The following DNAJC6 variants were observed in gnomAD, a reference collection of about 807,000 sequenced individuals.
DNAJC6 encodes DnaJ heat shock protein family (Hsp40) member C6, also known as auxilin.
A neutral mutation model predicts 110.0 loss-of-function variants in DNAJC6; 34 were observed. That is an observed-to-expected ratio of 0.31 (90% CI 0.24 to 0.41). The LOEUF is 0.41. Ranked by LOEUF, DNAJC6 falls within the 10% of genes least tolerant of loss-of-function variation. The probability of loss-of-function intolerance (pLI) is 1.00; values close to 1 mark genes in which losing one functional copy is unlikely to be tolerated. For synonymous variants in DNAJC6, 406 were observed against 437.2 expected, an observed-to-expected ratio of 0.93 and a Z score of 0.89; for missense variants, 1,031 against 1,207.8, an observed-to-expected ratio of 0.85 and a Z score of 2.17.
At chr1:65,309,493 G>GCCCCCCC, upstream of DNAJC6, 6 of 1,152,516 alleles carry the variant, frequency 5.2e-6, no homozygotes, top group African/African-American at 1.7e-5. Flanking sequence ...GAGGACGCGC[G>GCCCCCCC]CCCCCGCCCG....
intron 5 of DNAJC6, among the ~76,000 whole-genome samples, chr1:65,380,195 A>G (rs559521833): frequency 1.6e-3 from 243 of 152,290 alleles, no homozygotes; most frequent in African/African-American, 5.6e-3. Flanking sequence ...CCACTAGACT[A>G]TTATAATCTT....
At chr1:65,299,656 T>C (rs1210386950) in intron 1 of DNAJC6, among the ~76,000 whole-genome samples, 1 of 152,226 alleles carries the variant, frequency 6.6e-6, no homozygotes, top group East Asian at 1.9e-4. Flanking sequence ...ACCCTGTTTT[T>C]ATTAGTATTT....
intron 1 of DNAJC6, among the ~76,000 whole-genome samples, chr1:65,286,883 A>T (rs925243706): frequency 6.6e-6 from 1 of 152,232 alleles, no homozygotes; most frequent in Non-Finnish European, 1.5e-5. Flanking sequence ...GAATTGTGAA[A>T]TAACCTGCTA....
intron 1 of DNAJC6, among the ~76,000 whole-genome samples, chr1:65,358,735 G>A (rs1645570904): frequency 2.0e-5 from 3 of 152,106 alleles, no homozygotes; most frequent in African/African-American, 7.2e-5. Context: ...TAACCATATG[G>A]CGTTATTAGA....
At chr1:65,412,479 T>G (rs977657117) in intron 18 of DNAJC6, among the ~76,000 whole-genome samples, 2 of 152,194 alleles carry the variant, frequency 1.3e-5, no homozygotes, top group Non-Finnish European at 2.9e-5. Flanking sequence ...GCAATGGTAG[T>G]GCTTGAATTT....
chr1:65,366,859 A>C (rs1219352482), intron 4 of DNAJC6, among the ~76,000 whole-genome samples: 1 of 152,180 alleles, frequency 6.6e-6, no homozygotes, highest in African/African-American at 2.4e-5. Flanking sequence ...TCTATTAATA[A>C]ATAGAATGGA....
chr1:65,298,698 C>G (rs1644949756), intron 1 of DNAJC6: 1 of 152,116 alleles, frequency 6.6e-6, no homozygotes. Flanking sequence ...AACACAGGTA[C>G]AGTGACAAAC....
At chr1:65,403,530 C>A (rs1156578949) in intron 15 of DNAJC6, among the ~76,000 whole-genome samples, 2 of 152,100 alleles carry the variant, frequency 1.3e-5, no homozygotes, top group South Asian at 2.1e-4. Flanking sequence ...TGATGATATT[C>A]CTGTTCTTTG....
At chr1:65,301,965 G>A (rs1048582544) in intron 1 of DNAJC6, among the ~76,000 whole-genome samples, 1 of 151,178 alleles carries the variant, frequency 6.6e-6, no homozygotes, top group African/African-American at 2.4e-5. Context: ...AAAGTAGGGA[G>A]GTAGAACATC....
At chr1:65,391,060 C>G (rs1645921356) in intron 11 of DNAJC6, among the ~76,000 whole-genome samples, 1 of 152,118 alleles carries the variant, frequency 6.6e-6, no homozygotes, top group East Asian at 1.9e-4. Context: ...GAATGCAGAA[C>G]TTTTTGGATT....
intron 18 of DNAJC6, 138 bp downstream of exon 18, chr1:65,411,564 T>G (rs1646128990): frequency 1.3e-6 from 1 of 771,178 alleles, no homozygotes; most frequent in African/African-American, 1.8e-5. Flanking sequence ...AATCAGATAT[T>G]TAAACAAATA....
intron 17 of DNAJC6, among the ~76,000 whole-genome samples, chr1:65,410,850 G>A (rs1160367425): frequency 2.6e-5 from 4 of 152,240 alleles, no homozygotes; most frequent in South Asian, 2.1e-4. Context: ...ACAATAAAGT[G>A]TGGTACATAT....
chr1:65,379,365 CT>C (rs771207965), intron 4 of DNAJC6, 36 bp from the exon 5 acceptor site: 1 of 1,611,654 alleles, frequency 6.2e-7, no homozygotes, highest in East Asian at 2.2e-5. Context: ...GAGGAAGTTG[CT>C]GGAGGAATTA....
chr1:65,282,884 A>G (rs986168017), intron 1 of DNAJC6, among the ~76,000 whole-genome samples: 1 of 152,220 alleles, frequency 6.6e-6, no homozygotes, highest in Non-Finnish European at 1.5e-5. Flanking sequence ...TTATACCTCC[A>G]GTGTTTGATA....
At chr1:65,404,215 C>A (rs979581639) in intron 15 of DNAJC6, among the ~76,000 whole-genome samples, 6 of 152,170 alleles carry the variant, frequency 3.9e-5, no homozygotes, top group Non-Finnish European at 8.8e-5. Flanking sequence ...ATTACATTTT[C>A]CTATCACCAA....
At chr1:65,298,973 A>G (rs1644952592) in intron 1 of DNAJC6, 1 of 152,226 alleles carries the variant, frequency 6.6e-6, no homozygotes, top group Non-Finnish European at 1.5e-5. Flanking sequence ...ACTGAGAGCC[A>G]TGGTAGTTAT....
chr1:65,279,221 T>C, intron 1 of DNAJC6: 3 of 946,446 alleles, frequency 3.2e-6, no homozygotes, highest in Non-Finnish European at 3.8e-6. Flanking sequence ...GCGGTGATGG[T>C]GGCGTGCAGA....
rs148673423 is a variant in DNAJC6 at position 65,389,436 on chromosome 1, G to A, written c.1374G>A (p.Thr458=). 92 of 1,613,862 alleles carry A rather than the reference G, an allele frequency of 5.7e-5. No homozygotes were observed. Among genetic ancestry groups the A allele is most frequent in the South Asian group, 3.6e-4 (33 of 91,060 alleles). ...CTTCTCACCAGGAACATCAAGATAC[G>A]CTGGCCTTAGGAGGTATGAGTCACC... The part of the protein sequence containing the change: ...LFSSHQEHQD[T]LALGGQAPID... Residue 458 remains threonine (T), a synonymous_variant, in exon 10 of 19, where the codon ACG becomes ACA. Transcript: ENST00000371069.
At chr1:65,401,984 C>T (rs1290875765) in intron 15 of DNAJC6, 104 bp downstream of exon 15, 2 of 1,474,602 alleles carry the variant, frequency 1.4e-6, no homozygotes, top group Non-Finnish European at 1.8e-6. Flanking sequence ...TCACCTGGAA[C>T]CTCAAATAGT....
Sources: allele counts gnomAD v4.1 joint callset (sites outside exome capture counted in the v4.1 genomes callset), GRCh38; gene constraint gnomAD v4.1.1; transcripts MANE v1.5; gene names NCBI Gene and HGNC (gene_info 2026-07-23, HGNC 2026-07-21).